The following NEO1 variants were observed in gnomAD, a reference collection of about 807,000 sequenced individuals.
NEO1 encodes neogenin 1, also known as neogenin.
A neutral mutation model predicts 159.7 loss-of-function variants in NEO1; 63 were observed. That is an observed-to-expected ratio of 0.39 (90% confidence interval 0.32 to 0.49). NEO1 has a LOEUF of 0.49. Among genes scored for constraint, NEO1 ranks in the 20% least tolerant of loss-of-function variants. NEO1 has a pLI of 0.85. For missense variants in NEO1, 1,615 were observed against 1,831.0 expected (o/e 0.88, Z 2.15); for synonymous variants, 633 against 662.0 (o/e 0.96, Z 0.67).
chr15:73,195,715 A>G (rs1441473286), intron 7 of NEO1, among the ~76,000 whole-genome samples: 1 of 152,172 alleles, frequency 6.6e-6, no homozygotes, highest in Non-Finnish European at 1.5e-5. Flanking sequence ...ATGATAAAAT[A>G]AATTAAGAGA....
At chr15:73,135,718 AG>A (rs2031675493) in intron 4 of NEO1, among the ~76,000 whole-genome samples, 172 bp from the exon 5 acceptor site, 2 of 152,194 alleles carry the variant, frequency 1.3e-5, no homozygotes, top group South Asian at 4.1e-4. Context: ...ATATGAGCAA[AG>A]CAAATTGGAC....
chr15:73,234,458 C>T (rs1324957680), intron 7 of NEO1, among the ~76,000 whole-genome samples: 4 of 152,144 alleles, frequency 2.6e-5, no homozygotes, highest in African/African-American at 9.7e-5. Flanking sequence ...CTAATCCTAT[C>T]GTTTCCAGCC....
At chr15:73,272,584 A>C (rs927869410) in intron 19 of NEO1, 22 bp downstream of exon 19, 22 of 1,500,504 alleles carry the variant, frequency 1.5e-5, no homozygotes, top group Non-Finnish European at 1.9e-5. Flanking sequence ...TCAAGTGTGC[A>C]TTTCTTTGTG....
At chr15:73,208,896 A>G (rs968412457) in intron 7 of NEO1, among the ~76,000 whole-genome samples, 2 of 152,112 alleles carry the variant, frequency 1.3e-5, no homozygotes, top group African/African-American at 4.8e-5. Flanking sequence ...AATAAAAACA[A>G]AAAACCTTAA....
chr15:73,235,852 A>T (rs1415034770), intron 7 of NEO1, among the ~76,000 whole-genome samples: 1 of 152,250 alleles, frequency 6.6e-6, no homozygotes, highest in Non-Finnish European at 1.5e-5. Context: ...AACTAGGGTC[A>T]TCCATACTAT....
intron 7 of NEO1, among the ~76,000 whole-genome samples, chr15:73,232,572 G>A (rs1320405816): frequency 2.6e-5 from 4 of 152,208 alleles, no homozygotes; most frequent in Non-Finnish European, 5.9e-5. Context: ...TGCCGGGGGT[G>A]TGTGAGTGGC....
chr15:73,245,629 C>T (rs1482600284), intron 9 of NEO1, among the ~76,000 whole-genome samples: 1 of 150,652 alleles, frequency 6.6e-6, no homozygotes, highest in Non-Finnish European at 1.5e-5. Context: ...GGCTGGAGTG[C>T]AGTGGCACAG....
chr15:73,221,211 G>C (rs2038235070), intron 7 of NEO1, among the ~76,000 whole-genome samples: 1 of 152,210 alleles, frequency 6.6e-6, no homozygotes, highest in Non-Finnish European at 1.5e-5. Context: ...TGTTTGCCTG[G>C]GTATCAGCAG....
At chr15:73,109,565 AT>A (rs531818718) in intron 1 of NEO1, among the ~76,000 whole-genome samples, 2,788 of 148,772 alleles carry the variant, frequency 0.019, 86 homozygotes, top group African/African-American at 0.064. Flanking sequence ...AGGAATTTAG[AT>A]TTTTTTTTTT....
rs769126739 is a variant in NEO1 at position 73,298,594 on chromosome 15, C to G, written c.4148C>G (p.Pro1383Arg). 6.2e-7 allele frequency: 1 copy of G among 1,614,176 alleles called. No homozygotes were observed. Among genetic ancestry groups the G allele is most frequent in the Non-Finnish European group, 8.5e-7 (1 of 1,180,030 alleles). Residue 1383 changes from proline to arginine, a missense_variant, in exon 27 of 29, where the codon CCA becomes CGA. Physicochemically the swap from Pro to Arg is moderately radical, Grantham distance 103. Around this residue, in one of 3 missense-constraint regions of NEO1, gnomAD observed 471 missense variants for 498.9 expected, o/e 0.94. Transcript: ENST00000261908. The stretch of plus-strand genomic sequence containing the variant: ...TATGATCCTGCATTGCCAAGCACAC[C>G]ATTACTGTCCCAGCAAGGTGAGTGA... ...PTYDPALPST[P>R]LLSQQALNHH... is the part of the protein sequence containing the mutation.
At chr15:73,120,008 C>T (rs1020164525) in intron 2 of NEO1, among the ~76,000 whole-genome samples, 6 of 151,906 alleles carry the variant, frequency 3.9e-5, no homozygotes, top group South Asian at 2.1e-4. Context: ...TGGTGGTGCC[C>T]GCCTGTAATC....
intron 1 of NEO1, among the ~76,000 whole-genome samples, chr15:73,085,716 A>T (rs1595938592): frequency 6.6e-6 from 1 of 152,172 alleles, no homozygotes; most frequent in African/African-American, 2.4e-5. Flanking sequence ...CATTTCCCTA[A>T]TGACTGATGA....
At chr15:73,084,254 T>C (rs180909685) in intron 1 of NEO1, among the ~76,000 whole-genome samples, 69 of 152,298 alleles carry the variant, frequency 4.5e-4, no homozygotes, top group African/African-American at 1.7e-3. Context: ...CCTCTTGAAC[T>C]TATTCCTCCT....
rs201250143 is a variant in NEO1 at position 73,249,631 on chromosome 15, T to C, written c.1804T>C (p.Tyr602His). The change falls in exon 11 of 29, where the codon TAT becomes CAT. Residue 602 changes from tyrosine (Y) to histidine (H), a missense_variant. Coordinates refer to ENST00000261908, the MANE Select transcript of NEO1 (RefSeq NM_002499.4). Reference protein sequence around the residue: ...HSYTINGLKKYTEYSFRVVAY... With the variant: ...HSYTINGLKKHTEYSFRVVAY... ...TTACACCATTAATGGGTTGAAAAAA[T>C]ATACAGAGTATAGTTTCCGAGTGGT... 1.7e-5 allele frequency: 28 copies of C among 1,613,548 alleles called. No individual in the cohort carries two copies. Among genetic ancestry groups the C allele is most frequent in the South Asian group, 1.6e-4 (15 of 90,992 alleles).
At chr15:73,182,335 A>G (rs1476547112) in intron 7 of NEO1, among the ~76,000 whole-genome samples, 1 of 152,148 alleles carries the variant, frequency 6.6e-6, no homozygotes, top group African/African-American at 2.4e-5. Context: ...AAAAGAGGGC[A>G]GATCAAAGTG....
chr15:73,222,263 C>T lies in NEO1; in HGVS notation c.1292-14084C>T, dbSNP rs544985500. Among the ~76,000 whole-genome samples the T allele has an allele frequency of 1.1e-4, 17 of 151,690 alleles. No individual in the cohort carries two copies. The South Asian group carries it at 3.5e-3, about 32-fold the overall frequency. On this transcript the variant is annotated intron_variant, in intron 7 of 28. Coordinates refer to ENST00000261908, the MANE Select transcript of NEO1 (RefSeq NM_002499.4). Reference sequence around the variant, plus strand: ...GGGACTACAGGCACCCACCATCACACCCAGCTAATTTTTTGTATTTTTAGT... The same window carrying T: ...GGGACTACAGGCACCCACCATCACATCCAGCTAATTTTTTGTATTTTTAGT...
intron 7 of NEO1, among the ~76,000 whole-genome samples, chr15:73,200,367 G>A (rs187569185): frequency 7.2e-4 from 110 of 151,866 alleles, no homozygotes; most frequent in Non-Finnish European, 1.3e-3. Flanking sequence ...GATCACCTGA[G>A]CTTAGGAGTT....
At chr15:73,142,529 A>G (rs529837290) in intron 5 of NEO1, among the ~76,000 whole-genome samples, 27 of 152,312 alleles carry the variant, frequency 1.8e-4, no homozygotes, top group Non-Finnish European at 3.8e-4. Flanking sequence ...CAGGCCACCA[A>G]GAAGGCTTCA....
At chr15:73,277,940 A>G (rs750362708) in intron 21 of NEO1, among the ~76,000 whole-genome samples, 191 bp from the exon 22 acceptor site, 95 of 152,346 alleles carry the variant, frequency 6.2e-4, no homozygotes, top group Non-Finnish European at 1.2e-3. Flanking sequence ...GCCTCATTAC[A>G]TAGAAAGCTA....
Sources: allele counts gnomAD v4.1 joint callset (sites outside exome capture counted in the v4.1 genomes callset), GRCh38; gene constraint gnomAD v4.1.1; regional missense constraint gnomAD v4.1.1; transcripts MANE v1.5; gene names NCBI Gene and HGNC (gene_info 2026-07-23, HGNC 2026-07-21).